NECTIN1: variants seen among roughly 807,000 people sequenced by gnomAD.
The protein encoded by NECTIN1 is nectin-1.
In NECTIN1, 23 loss-of-function variants were observed where a neutral mutation model predicts 48.0. That is an observed-to-expected ratio of 0.48 (90% CI 0.34 to 0.68). The LOEUF is 0.68. Ranked by LOEUF, NECTIN1 falls within the 30% of genes least tolerant of loss-of-function variation. The probability of loss-of-function intolerance (pLI) is 0.01; values close to 1 mark genes in which losing one functional copy is unlikely to be tolerated. For missense variants in NECTIN1, 591 were observed against 709.9 expected, an observed-to-expected ratio of 0.83 and a Z score of 1.90; for synonymous variants, 270 against 288.9, an observed-to-expected ratio of 0.93 and a Z score of 0.66.
intron 1 of NECTIN1, among the ~76,000 whole-genome samples, chr11:119,691,613 C>T (rs998873441): frequency 3.3e-5 from 5 of 152,188 alleles, no homozygotes; most frequent in Admixed American, 1.3e-4. Flanking sequence ...CTGAAAGGGG[C>T]GGTGGGAAGG....
At position 119,727,612 on chromosome 11, in the gene NECTIN1, C is replaced by T. The variant is rs768323508; in HGVS notation, c.79+863G>A. ...CAGTTCATTCCCCAGCACAATATGC[C>T]TGGGCTGGTCCCAGCCTCCGTCCCC... On this transcript the variant is annotated intron_variant, in intron 1 of 5. Transcript: ENST00000264025. The surrounding 1 kb of genome is among the most constrained non-coding windows in gnomAD (Gnocchi z 4.1). Among the ~76,000 whole-genome samples, 5 of 152,210 alleles carry T rather than the reference C, an allele frequency of 3.3e-5. No individual in the cohort carries two copies. Among genetic ancestry groups the T allele is most frequent in the Non-Finnish European group, 7.3e-5 (5 of 68,032 alleles).
chr11:119,722,628 C>A (rs552691536), intron 1 of NECTIN1, among the ~76,000 whole-genome samples: 1 of 152,360 alleles, frequency 6.6e-6, no homozygotes, highest in South Asian at 2.1e-4. Flanking sequence ...GCCTAGGTAG[C>A]CCTCAACCAC....
intron 6 of NECTIN1, chr11:119,639,827 C>A: frequency 6.2e-7 from 1 of 1,613,744 alleles, no homozygotes; most frequent in Non-Finnish European, 8.5e-7. Flanking sequence ...GGGAGCAGAC[C>A]AGTGGGAGTT....
At chr11:119,668,455 AC>A (rs1864812356) in intron 5 of NECTIN1, among the ~76,000 whole-genome samples, 1 of 152,074 alleles carries the variant, frequency 6.6e-6, no homozygotes, top group Non-Finnish European at 1.5e-5. Context: ...CCATCATGCA[AC>A]CGTATCTTGG....
In NECTIN1 at chr11:119,665,031, C is replaced by G. The variant is rs766347296; in HGVS notation, c.1270G>C (p.Asp424His). Residue 424 changes from aspartate (D) to histidine (H), a missense_variant, in exon 6 of 6, where the codon GAC (aspartate) becomes CAC (histidine). Asp to His is a moderately conservative substitution (Grantham distance 81). Transcript: ENST00000264025. The surrounding 1 kb of genome is among the most constrained non-coding windows in gnomAD (Gnocchi z 5.1). Reference sequence around the variant, plus strand: ...CCCAGTGGGCCGGCCTTCTTCTCGTCGTCTGAGTCGTCGGGGTACTGCAGG... The same window carrying G: ...CCCAGTGGGCCGGCCTTCTTCTCGTGGTCTGAGTCGTCGGGGTACTGCAGG... ...QNLQYPDDSD[D>H]EKKAGPLGGS... 6.2e-7 allele frequency: 1 copy of G among 1,613,870 alleles called. No individual in the cohort carries two copies. Among genetic ancestry groups the G allele is most frequent in the South Asian group, 1.1e-5 (1 of 91,088 alleles).
chr11:119,726,616 A>C (rs1381819211), intron 1 of NECTIN1, among the ~76,000 whole-genome samples: 1 of 152,210 alleles, frequency 6.6e-6, no homozygotes, highest in African/African-American at 2.4e-5. Flanking sequence ...GGTGGAGCAC[A>C]GCAGGCCTCT....
intron 1 of NECTIN1, among the ~76,000 whole-genome samples, chr11:119,722,164 A>T (rs1445331834): frequency 6.6e-6 from 1 of 152,238 alleles, no homozygotes; most frequent in Non-Finnish European, 1.5e-5. Context: ...GCAAATTACT[A>T]AACCTAGGTC....
chr11:119,691,255 C>T (rs1470954552), intron 1 of NECTIN1, among the ~76,000 whole-genome samples: 2 of 152,238 alleles, frequency 1.3e-5, no homozygotes. Context: ...GCAAACTCCA[C>T]GCATGGCCCT....
chr11:119,652,339 C>G (rs1039132042), intron 5 of NECTIN1, among the ~76,000 whole-genome samples: 1 of 152,028 alleles, frequency 6.6e-6, no homozygotes, highest in African/African-American at 2.4e-5. Context: ...TTCTGGGAAT[C>G]CCCCAGAGCA....
chr11:119,712,839 A>G (rs1865677504), intron 1 of NECTIN1: 1 of 152,268 alleles, frequency 6.6e-6, no homozygotes. Flanking sequence ...CACGTGCATC[A>G]GCCTTTAACC....
chr11:119,712,354 GC>G (rs1282838381), intron 1 of NECTIN1, among the ~76,000 whole-genome samples: 1 of 118,356 alleles, frequency 8.4e-6, no homozygotes. Context: ...CCCAGTTCAG[GC>G]CCCCGAGTCT....
intron 1 of NECTIN1, among the ~76,000 whole-genome samples, chr11:119,714,157 T>C (rs578165855): frequency 1.6e-4 from 24 of 152,224 alleles, no homozygotes; most frequent in African/African-American, 5.8e-4. Context: ...AGCCTCTGGG[T>C]GGGCCCCTAT....
Position 119,662,553 on chromosome 11 carries a change from G to C in NECTIN1, c.*2194C>G, listed in dbSNP as rs749141513. The C allele has an allele frequency of 1.2e-5, 12 of 985,736 alleles. No individual in the cohort carries two copies. The African/African-American group carries it at 1.7e-4, about 14-fold the overall frequency. 61.1% of individuals were successfully genotyped at this position (985,736 alleles called of 1,614,324 possible). A position where few individuals can be genotyped will look rare whatever the true frequency, so the allele number is the denominator to read the frequency against. On this transcript the variant is annotated 3_prime_UTR_variant, in exon 6 of 6. Transcript: ENST00000264025. The surrounding 1 kb of genome is among the most constrained non-coding windows in gnomAD (Gnocchi z 5.3). ...TCCAACACAGAATGGGGAATAGAGG[G>C]TGGCAGTGCAGGATAAAGGAGATGC...
In NECTIN1 at chr11:119,661,876, T is replaced by TG; in HGVS notation, c.*2870dup. The TG allele has an allele frequency of 7.1e-6, 7 of 985,204 alleles. No individual in the cohort carries two copies. The highest frequency in any genetic ancestry group is 8.4e-6 in the Non-Finnish European group (7 of 829,936). The allele number at this position is 985,204 out of a possible 1,614,324, so 61.0% of individuals were successfully genotyped here. A position where few individuals can be genotyped will look rare whatever the true frequency, so the allele number is the denominator to read the frequency against. On this transcript the variant is annotated 3_prime_UTR_variant, in exon 6 of 6. Coordinates refer to ENST00000264025, the MANE Select transcript of NECTIN1 (RefSeq NM_002855.5). ...TACACATGCCTGCGCGTGGGTGTGT[T>TG]GGAGGTGTGAGTGTGTCCACTGTGG... is the stretch of plus-strand genomic sequence containing the variant.
Position 119,664,876 on chromosome 11 carries a change from C to T in NECTIN1, c.1425G>A (p.Glu475=). ...GGTCCCCGTAGCCGTCCTGACGGGCCTCGGCCTCATCCACGGTGAAGTAGG... is the reference window on the plus strand; with the variant it reads ...GGTCCCCGTAGCCGTCCTGACGGGCTTCGGCCTCATCCACGGTGAAGTAGG... ...KRPYFTVDEA[E]ARQDGYGDRT... Residue 475 remains glutamate (E), a synonymous_variant, in exon 6 of 6, where the codon GAG becomes GAA. Transcript: ENST00000264025. The T allele has an allele frequency of 6.2e-7, 1 of 1,614,056 alleles. No homozygotes were observed. The highest frequency in any genetic ancestry group is 8.5e-7 in the Non-Finnish European group (1 of 1,179,966).
chr11:119,682,863 C>T (rs1865083533), intron 1 of NECTIN1, among the ~76,000 whole-genome samples: 1 of 152,138 alleles, frequency 6.6e-6, no homozygotes, highest in African/African-American at 2.4e-5. Context: ...GTAGGGAGTG[C>T]TACTAGGCGC....
At chr11:119,687,851 C>T (rs1419182923) in intron 1 of NECTIN1, among the ~76,000 whole-genome samples, 2 of 152,224 alleles carry the variant, frequency 1.3e-5, no homozygotes, top group East Asian at 1.9e-4. Context: ...CCTCCCGATG[C>T]CCTGTCCAGC....
intron 5 of NECTIN1, among the ~76,000 whole-genome samples, chr11:119,650,794 C>T (rs1864479648): frequency 1.3e-5 from 2 of 152,164 alleles, no homozygotes; most frequent in African/African-American, 4.8e-5. Flanking sequence ...TACCTACCTC[C>T]AGGGCTGGAG....
intron 1 of NECTIN1, among the ~76,000 whole-genome samples, chr11:119,714,806 C>T (rs1865720248): frequency 6.6e-6 from 1 of 151,970 alleles, no homozygotes; most frequent in Admixed American, 6.6e-5. Context: ...CTTGGAGGGC[C>T]CACCCACACT....
Sources: allele counts gnomAD v4.1 joint callset (sites outside exome capture counted in the v4.1 genomes callset), GRCh38; gene constraint gnomAD v4.1.1; non-coding constraint Gnocchi (gnomAD v3.1); transcripts MANE v1.5; gene names NCBI Gene and HGNC (gene_info 2026-07-23, HGNC 2026-07-21).